Variants in DCTN4 observed in about 807,000 individuals in gnomAD.
The protein encoded by DCTN4 is dynactin 4 (p62).
In DCTN4, 23 loss-of-function variants were observed where a neutral mutation model predicts 62.7. That is an observed-to-expected ratio of 0.37 (90% CI 0.26 to 0.52). The LOEUF (loss-of-function observed/expected upper bound fraction) is 0.52. Among genes scored for constraint, DCTN4 ranks in the 20% least tolerant of loss-of-function variants. The probability of loss-of-function intolerance (pLI) is 0.92; values close to 1 mark genes in which losing one functional copy is unlikely to be tolerated. For synonymous variants in DCTN4, 199 were observed against 202.1 expected (o/e 0.98, Z 0.13); for missense variants, 514 against 580.4 (o/e 0.89, Z 1.18).
At chr5:150,727,011 G>A (rs73278037) in intron 8 of DCTN4, among the ~76,000 whole-genome samples, 1 of 152,104 alleles carries the variant, frequency 6.6e-6, no homozygotes, top group Admixed American at 6.6e-5. Flanking sequence ...ACAAACCCCA[G>A]GTACTTAATG....
intron 8 of DCTN4, among the ~76,000 whole-genome samples, chr5:150,723,738 C>T (rs935097987): frequency 5.9e-5 from 9 of 152,214 alleles, no homozygotes; most frequent in African/African-American, 2.2e-4. Flanking sequence ...TACCCATTAT[C>T]TGTCTGTCCC....
rs1486739874 is a variant in DCTN4 at position 150,715,579 on chromosome 5, A to C, written c.1155T>G (p.Phe385Leu). 6.2e-7 allele frequency: 1 copy of C among 1,614,148 alleles called. No individual in the cohort carries two copies. Among genetic ancestry groups the C allele is most frequent in the Non-Finnish European group, 8.5e-7 (1 of 1,179,980 alleles). The change falls in exon 12 of 13, where the codon TTT becomes TTG. Residue 385 changes from phenylalanine to leucine, a missense_variant. Transcript: ENST00000447998. ...EYDELAEPQD[F>L]QDDPDIIAFR... is the part of the protein sequence containing the mutation. Reference sequence around the variant, plus strand: ...AGATCACTCACTCAGGATCGTCCTGAAAGTCTTGAGGTTCTGCCAACTCAT... The same window carrying C: ...AGATCACTCACTCAGGATCGTCCTGCAAGTCTTGAGGTTCTGCCAACTCAT...
Position 150,748,359 on chromosome 5 carries a change from C to T in DCTN4, c.385+5120G>A, listed in dbSNP as rs1031413294. The stretch of plus-strand genomic sequence containing the variant: ...TGGTGGGACTGTAAACTAGTTCAAC[C>T]GTTGTGGAAGTCAGTGTGGCGATTC... On this transcript the variant is annotated intron_variant, in intron 3 of 12. Transcript: ENST00000447998. 3.7e-3 allele frequency among the ~76,000 whole-genome samples: 568 copies of T among 152,088 alleles called. 1 individual carries two copies. The highest frequency in any genetic ancestry group is 0.011 in the African/African-American group (465 of 41,466).
chr5:150,722,821 G>T, intron 9 of DCTN4, 86 bp downstream of exon 9: 1 of 931,360 alleles, frequency 1.1e-6, no homozygotes, highest in Non-Finnish European at 1.6e-6. Context: ...TTTAGGCCAA[G>T]AGTAAACACA....
intron 12 of DCTN4, among the ~76,000 whole-genome samples, chr5:150,714,779 C>T (rs1759695283): frequency 6.6e-6 from 1 of 152,148 alleles, no homozygotes. Context: ...GATGCCAGGA[C>T]CACGCAAGCA....
intron 4 of DCTN4, among the ~76,000 whole-genome samples, chr5:150,739,914 T>C (rs1338453677): frequency 6.6e-6 from 1 of 152,136 alleles, no homozygotes. Context: ...TCTCACCTTA[T>C]ACAAAAATCA....
intron 3 of DCTN4, among the ~76,000 whole-genome samples, chr5:150,742,451 A>C (rs41290557): frequency 6.6e-6 from 1 of 152,194 alleles, no homozygotes; most frequent in South Asian, 2.1e-4. Context: ...CTCATTTTAT[A>C]TATGAGGAAA....
At chr5:150,744,503 T>C (rs973326666) in intron 3 of DCTN4, among the ~76,000 whole-genome samples, 2 of 151,824 alleles carry the variant, frequency 1.3e-5, no homozygotes, top group Non-Finnish European at 1.5e-5. Context: ...TTCACCAAAG[T>C]TGAAATGAAA....
In DCTN4 at chr5:150,732,691, T is replaced by C. The variant is rs116380072; in HGVS notation, c.537+677A>G. ...TTCAATAAATGTTATTTATTGAATGTCAATTTGCTGGGCCCCAAGCAAGCA... is the reference window on the plus strand; with the variant it reads ...TTCAATAAATGTTATTTATTGAATGCCAATTTGCTGGGCCCCAAGCAAGCA... On this transcript the variant is annotated intron_variant, in intron 5 of 12. Coordinates refer to ENST00000447998, the MANE Select transcript of DCTN4 (RefSeq NM_016221.4). Among the ~76,000 whole-genome samples, 885 of 152,268 alleles carry C rather than the reference T, an allele frequency of 5.8e-3. 8 individuals carry two copies. The highest frequency in any genetic ancestry group is 0.02 in the African/African-American group (841 of 41,552).
intron 3 of DCTN4, among the ~76,000 whole-genome samples, chr5:150,744,160 C>T (rs1029537799): frequency 1.4e-4 from 22 of 152,066 alleles, no homozygotes; most frequent in East Asian, 1.4e-3. Context: ...CCTCAGGAGT[C>T]GATGCGATCA....
At chr5:150,752,612 T>C (rs1752717041) in intron 3 of DCTN4, among the ~76,000 whole-genome samples, 1 of 152,208 alleles carries the variant, frequency 6.6e-6, no homozygotes, top group Non-Finnish European at 1.5e-5. Flanking sequence ...TACAACCAGA[T>C]TAAACATGTT....
intron 4 of DCTN4, among the ~76,000 whole-genome samples, chr5:150,741,364 G>A (rs1268358611): frequency 6.6e-6 from 1 of 151,658 alleles, no homozygotes; most frequent in Non-Finnish European, 1.5e-5. Flanking sequence ...GTGTGTAGAT[G>A]TATAGCTTTG....
At chr5:150,747,602 A>G (rs1261818801) in intron 3 of DCTN4, among the ~76,000 whole-genome samples, 2 of 152,314 alleles carry the variant, frequency 1.3e-5, no homozygotes, top group Admixed American at 1.3e-4. Context: ...ATGTAGATCA[A>G]TGGAACAGAA....
chr5:150,740,369 C>T (rs1474281941), intron 4 of DCTN4, among the ~76,000 whole-genome samples: 2 of 151,060 alleles, frequency 1.3e-5, no homozygotes, highest in African/African-American at 4.9e-5. Flanking sequence ...ACCACTCCTG[C>T]AAGAATGGCC....
At chr5:150,758,321 C>T in intron 1 of DCTN4, 2 of 986,198 alleles carry the variant, frequency 2.0e-6, no homozygotes, top group South Asian at 9.3e-5. Flanking sequence ...ATACTGTATT[C>T]TGAGCGCTTT....
chr5:150,746,894 T>C (rs949250844), intron 3 of DCTN4, among the ~76,000 whole-genome samples: 16 of 152,118 alleles, frequency 1.1e-4, no homozygotes, highest in African/African-American at 3.9e-4. Flanking sequence ...AGGGATGCCC[T>C]CTCTCACCAC....
intron 4 of DCTN4, among the ~76,000 whole-genome samples, chr5:150,738,960 G>A (rs534196793): frequency 3.2e-4 from 48 of 152,208 alleles, no homozygotes; most frequent in Admixed American, 2.8e-3. Flanking sequence ...TTGGGAGGCC[G>A]AGGTGGACAG....
rs113072673 is a variant in DCTN4 at position 150,758,817 on chromosome 5, C to T, written c.135+42G>A. ...GGCAGTGACTAGCATGAACGCCGCG[C>T]CCCCCCCACCCCACATACTCGCTAT... On this transcript the variant is annotated intron_variant, in intron 1 of 12. Transcript: ENST00000447998. 53 of 1,565,990 alleles carry T rather than the reference C, an allele frequency of 3.4e-5. 3 individuals carry two copies. Among genetic ancestry groups the T allele is most frequent in the African/African-American group, 3.1e-4 (22 of 71,144 alleles).
intron 9 of DCTN4, among the ~76,000 whole-genome samples, chr5:150,720,717 G>A (rs1440356181): frequency 3.9e-5 from 6 of 152,238 alleles, no homozygotes; most frequent in East Asian, 3.9e-4. Flanking sequence ...AGGCTCAAGC[G>A]ATCCTCCTGC....
Sources: gnomAD v4.1 joint callset for allele counts (sites outside exome capture counted in the v4.1 genomes callset) on GRCh38, gnomAD v4.1.1 for gene constraint, MANE v1.5 for transcripts, NCBI Gene and HGNC (gene_info 2026-07-23, HGNC 2026-07-21) for gene names.